Variants in PNLIP observed in about 807,000 individuals in gnomAD.
The protein encoded by PNLIP is pancreatic triacylglycerol lipase.
In PNLIP, 49 loss-of-function variants were observed where a neutral mutation model predicts 57.1. That is an observed-to-expected ratio of 0.86 (90% CI 0.68 to 1.09). PNLIP has a LOEUF of 1.09. Among genes scored for constraint, PNLIP ranks in the 50% least tolerant of loss-of-function variants. The pLI is 0.00. For missense variants in PNLIP, 503 were observed against 570.2 expected, an observed-to-expected ratio of 0.88 and a Z score of 1.20; for synonymous variants, 209 against 200.4, an observed-to-expected ratio of 1.04 and a Z score of -0.36.
Position 116,551,193 on chromosome 10 carries a change from C to A in PNLIP, c.420C>A (p.Ile140=), listed in dbSNP as rs138720920. The change falls in exon 5 of 13, where the codon ATC becomes ATA. Residue 140 remains isoleucine, a synonymous_variant. Transcript: ENST00000369221. ...GYTQASQNIR[I]VGAEVAYFVE... ...CACAAGCCTCGCAGAACATCAGGAT[C>A]GTGGGAGCAGAAGTGGCATATTTTG... The A allele has an allele frequency of 3.1e-6, 5 of 1,610,492 alleles. No individual in the cohort carries two copies. The highest frequency in any genetic ancestry group is 4.2e-6 in the Non-Finnish European group (5 of 1,178,796).
Position 116,555,180 on chromosome 10 carries a change from T to G in PNLIP, c.574T>G (p.Leu192Val). 6.2e-7 allele frequency: 1 copy of G among 1,614,144 alleles called. No individual in the cohort carries two copies. Among genetic ancestry groups the G allele is most frequent in the Non-Finnish European group, 8.5e-7 (1 of 1,180,006 alleles). Residue 192 changes from leucine (L) to valine (V), a missense_variant and splice_region_variant, in exon 7 of 13, where the codon TTG (leucine) becomes GTG (valine). Physicochemically the swap from Leu to Val is conservative, Grantham distance 32. Coordinates refer to ENST00000369221, the MANE Select transcript of PNLIP (RefSeq NM_000936.4). ...ATGAAACATACTCTTTACTTTAGGG[T>G]TGGACCCAGCAGAACCTTGCTTTCA... ...TNGTIGRITG[L>V]DPAEPCFQGT...
intron 4 of PNLIP, 57 bp downstream of exon 4, chr10:116,548,539 G>T (rs961731798): frequency 7.0e-6 from 11 of 1,581,484 alleles, no homozygotes; most frequent in Admixed American, 1.7e-5. Flanking sequence ...ATTAACAAAC[G>T]GTAAGGCACT....
intron 4 of PNLIP, 24 bp from the exon 5 acceptor site, chr10:116,551,074 T>G (rs751552206): frequency 1.3e-6 from 2 of 1,535,642 alleles, no homozygotes; most frequent in Admixed American, 4.0e-5. Context: ...ATTATTTATC[T>G]GTTTATTGTG....
chr10:116,556,917 A>G (rs550254130), intron 9 of PNLIP, among the ~76,000 whole-genome samples: 1 of 152,322 alleles, frequency 6.6e-6, no homozygotes, highest in East Asian at 1.9e-4. Flanking sequence ...TAAATAGCTG[A>G]ATATCTTTGG....
intron 4 of PNLIP, 107 bp downstream of exon 4, chr10:116,548,589 G>C: frequency 8.0e-7 from 1 of 1,253,538 alleles, no homozygotes; most frequent in Non-Finnish European, 1.1e-6. Flanking sequence ...GGTCTTGGAG[G>C]ATATTCAGAC....
At chr10:116,555,613 T>C (rs1847245291) in intron 8 of PNLIP, 106 bp downstream of exon 8, 1 of 1,254,334 alleles carries the variant, frequency 8.0e-7, no homozygotes, top group Non-Finnish European at 1.1e-6. Context: ...ACATTTTACA[T>C]AACAAAAGAC....
intron 2 of PNLIP, 95 bp downstream of exon 2, chr10:116,546,233 T>C: frequency 9.5e-7 from 1 of 1,049,872 alleles, no homozygotes. Flanking sequence ...AGTAATAACA[T>C]GAAGATTTAC....
intron 4 of PNLIP, among the ~76,000 whole-genome samples, chr10:116,549,393 C>T (rs574747892): frequency 1.1e-4 from 17 of 152,022 alleles, no homozygotes; most frequent in African/African-American, 3.6e-4. Flanking sequence ...GCAGGAGAAT[C>T]GCTTGAACCC....
At chr10:116,555,782 C>T (rs1236698655) in intron 8 of PNLIP, among the ~76,000 whole-genome samples, 1 of 152,074 alleles carries the variant, frequency 6.6e-6, no homozygotes, top group Non-Finnish European at 1.5e-5. Flanking sequence ...TATTTTAAAC[C>T]TTTCATTTAA....
rs374563946 is a variant in PNLIP at position 116,548,369 on chromosome 10, G to A, written c.211G>A (p.Ala71Thr). ...TTTTCTGTCTAAACAGGAAGTTGCC[G>A]CAGATTCATCAAGCATCAGTGGCTC... Reference protein sequence around the residue: ...ENPNNFQEVAADSSSISGSNF... With the variant: ...ENPNNFQEVATDSSSISGSNF... The change falls in exon 4 of 13, where the codon GCA becomes ACA. Residue 71 changes from alanine (A) to threonine (T), a missense_variant. By Grantham distance (58) the Ala-to-Thr change is moderately conservative. Transcript: ENST00000369221. The A allele has an allele frequency of 7.3e-5, 117 of 1,613,734 alleles. No individual in the cohort carries two copies. Among genetic ancestry groups the A allele is most frequent in the Middle Eastern group, 1.6e-4 (1 of 6,062 alleles).
chr10:116,547,116 C>T (rs1411709867), intron 2 of PNLIP, among the ~76,000 whole-genome samples, 178 bp from the exon 3 acceptor site: 1 of 152,124 alleles, frequency 6.6e-6, no homozygotes, highest in Non-Finnish European at 1.5e-5. Context: ...AGAACAACAG[C>T]CTGTCTGGAA....
At chr10:116,556,505 C>A (rs1038538773) in intron 9 of PNLIP, among the ~76,000 whole-genome samples, 1 of 152,112 alleles carries the variant, frequency 6.6e-6, no homozygotes, top group Non-Finnish European at 1.5e-5. Flanking sequence ...GACATGTGGA[C>A]ATTTCTGTGC....
At chr10:116,560,372 CTT>C (rs1436617509) in intron 10 of PNLIP, 42 bp from the exon 11 acceptor site, 2 of 999,884 alleles carry the variant, frequency 2.0e-6, no homozygotes, top group South Asian at 2.8e-5. Flanking sequence ...TTTTTAGTGT[CTT>C]TTATCTCCAA....
chr10:116,560,276 T>TAC (rs71301597), intron 10 of PNLIP, 140 bp from the exon 11 acceptor site: 45,480 of 423,286 alleles, frequency 0.11, 1,188 homozygotes, highest in Middle Eastern at 0.13. Context: ...ATTAGAAAAT[T>TAC]ACACACACAC....
intron 2 of PNLIP, among the ~76,000 whole-genome samples, chr10:116,546,993 C>T (rs1847132695): frequency 6.6e-6 from 1 of 152,186 alleles, no homozygotes; most frequent in Non-Finnish European, 1.5e-5. Context: ...CTTTCTTGAG[C>T]ACCTATAGCC....
chr10:116,550,209 C>T (rs1474670700), intron 4 of PNLIP, among the ~76,000 whole-genome samples: 1 of 151,658 alleles, frequency 6.6e-6, no homozygotes, highest in Non-Finnish European at 1.5e-5. Context: ...CAGGCTCCCA[C>T]CACCAGGCCC....
intron 4 of PNLIP, among the ~76,000 whole-genome samples, chr10:116,550,880 T>C (rs1349173037): frequency 6.6e-6 from 1 of 152,362 alleles, no homozygotes; most frequent in African/African-American, 2.4e-5. Flanking sequence ...ATCCCAAGAA[T>C]CCAGTTCCCA....
At chr10:116,549,430 G>A (rs1847166544) in intron 4 of PNLIP, among the ~76,000 whole-genome samples, 1 of 151,982 alleles carries the variant, frequency 6.6e-6, no homozygotes, top group Non-Finnish European at 1.5e-5. Context: ...AGTGAGCCAA[G>A]ATCGTGCCAC....
intron 4 of PNLIP, among the ~76,000 whole-genome samples, chr10:116,549,907 T>C (rs760137542): frequency 1.9e-4 from 29 of 152,292 alleles, no homozygotes; most frequent in Non-Finnish European, 3.7e-4. Context: ...TGGTTTAAAC[T>C]AGAAGGATAA....
Sources: gnomAD v4.1 joint callset for allele counts (sites outside exome capture counted in the v4.1 genomes callset) on GRCh38, gnomAD v4.1.1 for gene constraint, MANE v1.5 for transcripts, NCBI Gene and HGNC (gene_info 2026-07-23, HGNC 2026-07-21) for gene names.